The following SORCS2 variants were observed in gnomAD, a reference collection of about 807,000 sequenced individuals.
The protein encoded by SORCS2 is VPS10 domain-containing receptor SorCS2.
Under a neutral mutation model 141.6 loss-of-function variants are expected in SORCS2, and 100 were observed. The ratio of observed to expected loss-of-function variants is 0.71; its 90% CI spans 0.60 to 0.83. The LOEUF (loss-of-function observed/expected upper bound fraction) is 0.83. Among genes scored for constraint, SORCS2 ranks in the 40% least tolerant of loss-of-function variants. The probability of loss-of-function intolerance (pLI) is 0.00; values close to 1 mark genes in which losing one functional copy is unlikely to be tolerated. For missense variants in SORCS2, 1,646 were observed against 1,560.2 expected, an observed-to-expected ratio of 1.05 and a Z score of -0.93; for synonymous variants, 789 against 676.9, an observed-to-expected ratio of 1.17 and a Z score of -2.57.
intron 2 of SORCS2, among the ~76,000 whole-genome samples, chr4:7,438,970 C>T (rs893778982): frequency 6.6e-6 from 1 of 152,154 alleles, no homozygotes; most frequent in Non-Finnish European, 1.5e-5. Flanking sequence ...TCTGTACTTT[C>T]CAGCACAGGG....
In SORCS2 at chr4:7,193,088, A is replaced by G. The variant is rs1311350276; in HGVS notation, c.442A>G (p.Asn148Asp). 1.9e-6 allele frequency: 3 copies of G among 1,561,340 alleles called. No homozygotes were observed. Among genetic ancestry groups the G allele is most frequent in the Middle Eastern group, 1.7e-4 (1 of 5,950 alleles). ...SFVLKGDATH[N>D]QAMVHWTGEN... is the part of the protein sequence containing the mutation. The stretch of plus-strand genomic sequence containing the variant: ...CGTGCTCAAGGGGGACGCGACGCAC[A>G]ACCAGGCGATGGTGCACTGGACGGG... The change falls in exon 1 of 27, where the codon AAC (asparagine) becomes GAC (aspartate). Residue 148 changes from asparagine (N) to aspartate (D), a missense_variant. Physicochemically the swap from Asn to Asp is conservative, Grantham distance 23. Coordinates refer to ENST00000507866, the MANE Select transcript of SORCS2 (RefSeq NM_020777.3). This position sits in a 1 kb window ranked among gnomAD's most constrained non-coding sequence, Gnocchi z 4.8.
intron 8 of SORCS2, among the ~76,000 whole-genome samples, chr4:7,668,248 GAC>G (rs1456630013): frequency 5.9e-5 from 9 of 152,180 alleles, no homozygotes; most frequent in African/African-American, 1.4e-4. Context: ...AGGAGGGAGA[GAC>G]ACAGAGTGAT....
At chr4:7,609,533 C>T (rs540353709) in intron 3 of SORCS2, among the ~76,000 whole-genome samples, 5 of 152,354 alleles carry the variant, frequency 3.3e-5, no homozygotes, top group Admixed American at 1.3e-4. Flanking sequence ...GGTCAGTCCT[C>T]TCTCTGCCAT....
chr4:7,322,655 G>A (rs373133968), intron 1 of SORCS2, among the ~76,000 whole-genome samples: 1 of 152,220 alleles, frequency 6.6e-6, no homozygotes, highest in South Asian at 2.1e-4. Context: ...TTGTCCAGCC[G>A]CTCAAGAGTC....
chr4:7,328,798 A>T (rs1407360785), intron 1 of SORCS2, among the ~76,000 whole-genome samples: 1 of 152,186 alleles, frequency 6.6e-6, no homozygotes, highest in East Asian at 1.9e-4. Flanking sequence ...GGCTACCCTC[A>T]GCACTTGCTG....
At chr4:7,621,397 G>A (rs1719166064) in intron 3 of SORCS2, among the ~76,000 whole-genome samples, 1 of 151,284 alleles carries the variant, frequency 6.6e-6, no homozygotes, top group African/African-American at 2.4e-5. Context: ...GTGTTTATGT[G>A]TGTGTCTGTG....
chr4:7,275,274 G>GTA (rs1715427032), intron 1 of SORCS2, among the ~76,000 whole-genome samples: 1 of 152,188 alleles, frequency 6.6e-6, no homozygotes, highest in Admixed American at 6.5e-5. Flanking sequence ...TCGAAGTCAT[G>GTA]GTCAAGAGCA....
intron 2 of SORCS2, among the ~76,000 whole-genome samples, chr4:7,466,226 C>G (rs1431092648): frequency 6.6e-6 from 1 of 152,170 alleles, no homozygotes; most frequent in African/African-American, 2.4e-5. Context: ...GAGAGTACAT[C>G]TGGTTCACGC....
At chr4:7,602,505 A>C (rs1015653667) in intron 3 of SORCS2, among the ~76,000 whole-genome samples, 9 of 143,230 alleles carry the variant, frequency 6.3e-5, no homozygotes, top group African/African-American at 2.4e-4. Flanking sequence ...CGCTCCCCAC[A>C]TCTCAGACGA....
At chr4:7,504,900 G>A (rs4689133) in intron 2 of SORCS2, among the ~76,000 whole-genome samples, 40,958 of 152,130 alleles carry the variant, frequency 0.27, 6,353 homozygotes, top group South Asian at 0.44. Context: ...CTCGGGAGCC[G>A]TCTGATGGCC....
chr4:7,368,911 A>G (rs2109039166), intron 1 of SORCS2, among the ~76,000 whole-genome samples: 1 of 152,114 alleles, frequency 6.6e-6, no homozygotes, highest in Non-Finnish European at 1.5e-5. Flanking sequence ...TGGTTTTAAA[A>G]ACTGGAGTTT....
intron 2 of SORCS2, among the ~76,000 whole-genome samples, chr4:7,452,322 A>G (rs905439848): frequency 6.6e-6 from 1 of 152,000 alleles, no homozygotes; most frequent in Admixed American, 6.5e-5. Flanking sequence ...TGTATTTTTT[A>G]GTAGAGACAG....
At chr4:7,661,447 G>A in intron 5 of SORCS2, 53 bp from the exon 6 acceptor site, 1 of 1,539,108 alleles carries the variant, frequency 6.5e-7, no homozygotes, top group Non-Finnish European at 8.8e-7. Flanking sequence ...AGCAGCTGGG[G>A]GACGGGCATG....
chr4:7,247,407 A>C (rs1416316863), intron 1 of SORCS2, among the ~76,000 whole-genome samples: 1 of 152,188 alleles, frequency 6.6e-6, no homozygotes. Context: ...TATTGGAATG[A>C]ATAAACAATG....
chr4:7,686,664 G>A (rs890633722), intron 10 of SORCS2, among the ~76,000 whole-genome samples: 2 of 152,244 alleles, frequency 1.3e-5, no homozygotes, highest in Non-Finnish European at 2.9e-5. Flanking sequence ...GGCTCCTGAT[G>A]CGCACTGGCC....
At chr4:7,513,396 C>T (rs1430567726) in intron 2 of SORCS2, among the ~76,000 whole-genome samples, 1 of 152,188 alleles carries the variant, frequency 6.6e-6, no homozygotes, top group Non-Finnish European at 1.5e-5. Flanking sequence ...AACGGGGCTT[C>T]ACCTTGGATT....
chr4:7,339,547 C>A (rs1205174002), intron 1 of SORCS2, among the ~76,000 whole-genome samples: 1 of 152,076 alleles, frequency 6.6e-6, no homozygotes, highest in African/African-American at 2.4e-5. Flanking sequence ...CTGTAGATGC[C>A]CCACCCTGGT....
intron 2 of SORCS2, among the ~76,000 whole-genome samples, chr4:7,521,186 G>T (rs1029855757): frequency 6.6e-5 from 10 of 152,142 alleles, no homozygotes; most frequent in Non-Finnish European, 1.2e-4. Context: ...GGTGGGCAAT[G>T]ATCTCGCTAA....
intron 3 of SORCS2, among the ~76,000 whole-genome samples, chr4:7,637,163 C>T (rs13129876): frequency 0.14 from 20,818 of 152,178 alleles, 1,719 homozygotes; most frequent in Non-Finnish European, 0.19. Context: ...AGATCACAGT[C>T]GCGAGTACTG....
Sources: gnomAD v4.1 joint callset for allele counts (sites outside exome capture counted in the v4.1 genomes callset) on GRCh38, gnomAD v4.1.1 for gene constraint, Gnocchi (gnomAD v3.1) non-coding constraint, MANE v1.5 for transcripts, NCBI Gene and HGNC (gene_info 2026-07-23, HGNC 2026-07-21) for gene names.